COL14A1: variants seen among roughly 807,000 people sequenced by gnomAD.
COL14A1 encodes the protein collagen alpha-1(XIV) chain.
A neutral mutation model predicts 230.3 loss-of-function variants in COL14A1; 136 were observed. The ratio of observed to expected loss-of-function variants is 0.59; its 90% CI spans 0.51 to 0.68. The LOEUF (loss-of-function observed/expected upper bound fraction) is 0.68. Ranked by LOEUF, COL14A1 falls within the 30% of genes least tolerant of loss-of-function variation. COL14A1 has a pLI of 0.00. For missense variants in COL14A1, 1,976 were observed against 2,215.8 expected, an observed-to-expected ratio of 0.89 and a Z score of 2.17; for synonymous variants, 792 against 784.1, an observed-to-expected ratio of 1.01 and a Z score of -0.17.
In COL14A1 at chr8:120,229,339, C is replaced by T. The variant is rs1236587422; in HGVS notation, c.2197+570C>T. 3.4e-5 allele frequency among the ~76,000 whole-genome samples: 5 copies of T among 146,340 alleles called. No homozygotes were observed. The East Asian group carries it at 1.0e-3, about 30-fold the overall frequency. ...ATGTGTTCTCATCGTTCAGTTCCCA[C>T]CTATGAGTGAGAATATGTGGTGTTT... On this transcript the variant is annotated intron_variant, in intron 18 of 47. Coordinates refer to ENST00000297848, the MANE Select transcript of COL14A1 (RefSeq NM_021110.4).
chr8:120,162,185 T>C (rs1815700134), intron 3 of COL14A1, among the ~76,000 whole-genome samples: 3 of 152,248 alleles, frequency 2.0e-5, no homozygotes, highest in Admixed American at 1.3e-4. Flanking sequence ...AACTATTTTA[T>C]AATTAGGTGC....
At chr8:120,127,933 A>G (rs767123430) in intron 1 of COL14A1, among the ~76,000 whole-genome samples, 1 of 152,360 alleles carries the variant, frequency 6.6e-6, no homozygotes, top group Non-Finnish European at 1.5e-5. Context: ...TGGGATTATG[A>G]TAGTCCATTG....
At position 120,371,608 on chromosome 8, in the gene COL14A1, C is replaced by A. The variant is rs1326499066; in HGVS notation, c.*377C>A. The stretch of plus-strand genomic sequence containing the variant: ...GTGTTTGAGGGAAATATGTCCCTAG[C>A]AGGAAAAGAATTCAAAGAGGTTCAA... On this transcript the variant is annotated 3_prime_UTR_variant, in exon 48 of 48. Coordinates refer to ENST00000297848, the MANE Select transcript of COL14A1 (RefSeq NM_021110.4). The A allele has an allele frequency of 2.5e-6, 1 of 398,308 alleles. No individual in the cohort carries two copies. The highest frequency in any genetic ancestry group is 4.4e-6 in the Non-Finnish European group (1 of 225,860). 24.7% of individuals were successfully genotyped at this position (398,308 alleles called of 1,614,324 possible).
chr8:120,310,577 G>A (rs1220161567), intron 37 of COL14A1, among the ~76,000 whole-genome samples: 1 of 152,176 alleles, frequency 6.6e-6, no homozygotes, highest in Non-Finnish European at 1.5e-5. Flanking sequence ...AAGAGACCAA[G>A]CCATGCCAAG....
rs971870638 is a variant in COL14A1, at chr8:120,213,845, A to G, written c.1597+1268A>G. On this transcript the variant is annotated intron_variant, in intron 13 of 47. Transcript: ENST00000297848. ...TAGACACTATTCTATTATATTGCCA[A>G]ATGTAATAGAATTCCAGAAAAATTT... The G allele has an allele frequency of 2.2e-5, 7 of 322,378 alleles. No individual in the cohort carries two copies. The Admixed American group carries it at 3.2e-4, about 15-fold the overall frequency. 20.0% of individuals were successfully genotyped at this position (322,378 alleles called of 1,614,324 possible).
In COL14A1 at chr8:120,300,738, G is replaced by T. The variant is rs548846801; in HGVS notation, c.4321G>T (p.Asp1441Tyr). 1.9e-6 allele frequency: 3 copies of T among 1,612,836 alleles called. No homozygotes were observed. In the South Asian group the frequency reaches 3.3e-5, roughly 18 times the overall value. The change falls in exon 36 of 48, where the codon GAT (aspartate) becomes TAT (tyrosine). Residue 1441 changes from aspartate (D) to tyrosine (Y), a missense_variant. Coordinates refer to ENST00000297848, the MANE Select transcript of COL14A1 (RefSeq NM_021110.4). ...TTTTTTTGTTTCTTTTCAGAGAGAT[G>T]ATGAGTCTTGCCCAGACCTTCCCCA... is the stretch of plus-strand genomic sequence containing the variant. ...KCCELPGLRD[D>Y]ESCPDLPHSC... is the part of the protein sequence containing the mutation.
chr8:120,367,282 G>T, intron 46 of COL14A1, 34 bp downstream of exon 46: 2 of 1,540,978 alleles, frequency 1.3e-6, no homozygotes, highest in Non-Finnish European at 1.8e-6. Flanking sequence ...GACTGCAAAT[G>T]TATATTTTTA....
At chr8:120,316,113 C>T in intron 40 of COL14A1, 116 bp downstream of exon 40, 1 of 930,458 alleles carries the variant, frequency 1.1e-6, no homozygotes, top group Non-Finnish European at 1.7e-6. Context: ...TTTTTGTTTT[C>T]TCCTGTTTAT....
chr8:120,153,723 G>A (rs1815368461), intron 2 of COL14A1, among the ~76,000 whole-genome samples: 2 of 152,178 alleles, frequency 1.3e-5, no homozygotes, highest in Non-Finnish European at 2.9e-5. Context: ...AAGCAAAAAT[G>A]TATTCACCAG....
chr8:120,356,445 T>C (rs1245212023), intron 45 of COL14A1, among the ~76,000 whole-genome samples: 1 of 152,336 alleles, frequency 6.6e-6, no homozygotes, highest in East Asian at 1.9e-4. Flanking sequence ...AGCTTAAAAC[T>C]TAATCTCTGA....
Position 120,367,899 on chromosome 8 carries a change from G to A in COL14A1, c.5155+651G>A, listed in dbSNP as rs116850999. Among the ~76,000 whole-genome samples the A allele has an allele frequency of 1.3e-3, 202 of 151,286 alleles. 7 individuals carry two copies. The East Asian group carries it at 0.035, about 26-fold the overall frequency. ...GTTGAGGCTACAGTGAACCGTGATG[G>A]TGCCACTGCCCTCCAGCCTGGGTGA... On this transcript the variant is annotated intron_variant, in intron 46 of 47. Coordinates refer to ENST00000297848, the MANE Select transcript of COL14A1 (RefSeq NM_021110.4).
At chr8:120,213,831 CTATTA>C in intron 13 of COL14A1, 1 of 303,426 alleles carries the variant, frequency 3.3e-6, no homozygotes, top group South Asian at 3.0e-5. Context: ...AGACACTATT[CTATTA>C]TATTGCCAAA....
At chr8:120,202,464 C>T (rs1817280124) in intron 8 of COL14A1, among the ~76,000 whole-genome samples, 1 of 152,006 alleles carries the variant, frequency 6.6e-6, no homozygotes, top group African/African-American at 2.4e-5. Context: ...CTTTTAATAC[C>T]CTCCGATGAT....
At chr8:120,140,746 T>G (rs1156265220) in intron 1 of COL14A1, among the ~76,000 whole-genome samples, 1 of 152,202 alleles carries the variant, frequency 6.6e-6, no homozygotes, top group East Asian at 1.9e-4. Context: ...TGTGGATGCC[T>G]GTAAGCATTG....
intron 1 of COL14A1, among the ~76,000 whole-genome samples, chr8:120,137,756 TATAA>T (rs145493921): frequency 0.06 from 9,104 of 151,996 alleles, 945 homozygotes; most frequent in African/African-American, 0.21. Flanking sequence ...ATTTTGAATT[TATAA>T]AGATATTTTA....
chr8:120,369,420 C>T lies in COL14A1; in HGVS notation c.5246C>T (p.Pro1749Leu), dbSNP rs1450025228. The change falls in exon 47 of 48, where the codon CCC (proline) becomes CTC (leucine). Residue 1749 changes from proline (P) to leucine (L), a missense_variant. By Grantham distance (98) the Pro-to-Leu change is moderately conservative (BLOSUM62 -3). Transcript: ENST00000297848. Reference protein sequence around the residue: ...GPPGHLGVPGPQGPSGQPGYC... With the variant: ...GPPGHLGVPGLQGPSGQPGYC... ...CCAGGTCATCTGGGGGTTCCTGGAC[C>T]CCAAGGTCCTTCTGGCCAGCCTGGA... 1.2e-6 allele frequency: 2 copies of T among 1,610,484 alleles called. No homozygotes were observed. Among genetic ancestry groups the T allele is most frequent in the Admixed American group, 1.7e-5 (1 of 59,504 alleles).
At chr8:120,172,040 G>A (rs1816108398) in intron 5 of COL14A1, among the ~76,000 whole-genome samples, 1 of 151,952 alleles carries the variant, frequency 6.6e-6, no homozygotes, top group African/African-American at 2.4e-5. Context: ...TTTTTATGGT[G>A]CTTGGTTCCT....
intron 21 of COL14A1, 100 bp from the exon 22 acceptor site, chr8:120,250,517 A>C: frequency 7.8e-7 from 1 of 1,281,130 alleles, no homozygotes. Context: ...GTATAATCCC[A>C]GGCAACTGAA....
intron 1 of COL14A1, among the ~76,000 whole-genome samples, chr8:120,126,976 A>C (rs1468871310): frequency 6.6e-6 from 1 of 152,212 alleles, no homozygotes; most frequent in Non-Finnish European, 1.5e-5. Flanking sequence ...TAACCAATTT[A>C]AAGTGTACAA....
Sources: gnomAD v4.1 joint callset for allele counts (sites outside exome capture counted in the v4.1 genomes callset) on GRCh38, gnomAD v4.1.1 for gene constraint, MANE v1.5 for transcripts, NCBI Gene and HGNC (gene_info 2026-07-23, HGNC 2026-07-21) for gene names.